The following KRT71 variants were observed in gnomAD, a reference collection of about 807,000 sequenced individuals.
KRT71 encodes the protein keratin 71.
KRT71 carries 42 observed loss-of-function variants against 46.2 expected under a neutral mutation model. The observed-to-expected ratio is 0.91, with a 90% CI of 0.71 to 1.18. The LOEUF is 1.18. Among genes scored for constraint, KRT71 ranks in the 50% most tolerant of loss-of-function variants. KRT71 has a pLI of 0.00. For synonymous variants in KRT71, 292 were observed against 277.8 expected (o/e 1.05, Z -0.51); for missense variants, 708 against 677.9 (o/e 1.04, Z -0.49).
In KRT71 at chr12:52,545,449, G is replaced by A. The variant is rs762251266; in HGVS notation, c.1360+116C>T. 1.9e-4 allele frequency: 119 copies of A among 628,202 alleles called. 1 individual carries two copies. The highest frequency in any genetic ancestry group is 2.2e-4 in the Non-Finnish European group (83 of 371,674). 38.9% of individuals were successfully genotyped at this position (628,202 alleles called of 1,614,324 possible). On this transcript the variant is annotated intron_variant, in intron 8 of 8. Coordinates refer to ENST00000267119, the MANE Select transcript of KRT71 (RefSeq NM_033448.3). ...CTGCCATCTGGCTTTGTGATCTCAG[G>A]CAAAGCTTTTCCCTCTCTGGTTCTT...
At chr12:52,545,779 T>TG (rs1376962630) in intron 7 of KRT71, among the ~76,000 whole-genome samples, 180 bp from the exon 8 acceptor site, 1 of 152,162 alleles carries the variant, frequency 6.6e-6, no homozygotes, top group Non-Finnish European at 1.5e-5. Context: ...CCCAAATCTT[T>TG]GGGGTAACCA....
chr12:52,548,754 T>C lies in KRT71; in HGVS notation c.760A>G (p.Lys254Glu), dbSNP rs772148451. 25 of 1,614,136 alleles carry C rather than the reference T, an allele frequency of 1.5e-5. No individual in the cohort carries two copies. The highest frequency in any genetic ancestry group is 2.0e-5 in the Non-Finnish European group (24 of 1,180,054). The change falls in exon 4 of 9, where the codon AAG becomes GAG. Residue 254 changes from lysine to glutamate, a missense_variant. Coordinates refer to ENST00000267119, the MANE Select transcript of KRT71 (RefSeq NM_033448.3). ...ATCTCCTGGTCCATGGATTCCACCT[T>C]GGCCTGCAGTTCCACCTTATTGGCG... Reference protein sequence around the residue: ...AYANKVELQAKVESMDQEIKF... With the variant: ...AYANKVELQAEVESMDQEIKF...
At chr12:52,549,144 T>G (rs919577316) in intron 3 of KRT71, 149 bp downstream of exon 3, 2 of 740,942 alleles carry the variant, frequency 2.7e-6, no homozygotes, top group Non-Finnish European at 4.9e-6. Context: ...TTCTTTTTTC[T>G]GGATAGTCTT....
intron 4 of KRT71, 43 bp downstream of exon 4, chr12:52,548,658 C>CACCAGCCTCCCCTAGATGA: frequency 6.4e-7 from 1 of 1,561,664 alleles, no homozygotes; most frequent in Non-Finnish European, 8.8e-7. Flanking sequence ...GAGTTTAACC[C>CACCAGCCTCCCCTAGATGA]ACCAGCCTCC....
Position 52,544,584 on chromosome 12 carries a change from G to A in KRT71, c.1520C>T (p.Thr507Ile), listed in dbSNP as rs1427196078. The change falls in exon 9 of 9, where the codon ACC becomes ATC. Residue 507 changes from threonine to isoleucine, a missense_variant. Thr to Ile is a moderately conservative substitution (Grantham distance 89). Transcript: ENST00000267119. ...ACTCAGGCTGGAACCCTTCCCTAGG[G>A]TGTCTTTGTAATCGTTGGCACTGCC... is the stretch of plus-strand genomic sequence containing the variant. ...SRGSANDYKD[T>I]LGKGSSLSAP... 3 of 1,614,138 alleles carry A rather than the reference G, an allele frequency of 1.9e-6. No homozygotes were observed. Among genetic ancestry groups the A allele is most frequent in the Non-Finnish European group, 2.5e-6 (3 of 1,180,006 alleles).
rs1235583462 is a variant in KRT71, at chr12:52,546,442, G to A, written c.1169C>T (p.Ala390Val). 5.0e-6 allele frequency: 8 copies of A among 1,614,198 alleles called. No individual in the cohort carries two copies. The highest frequency in any genetic ancestry group is 1.7e-5 in the Admixed American group (1 of 60,034). Reference protein sequence around the residue: ...EQRGDNALKDARAKLDELEGA... With the variant: ...EQRGDNALKDVRAKLDELEGA... The stretch of plus-strand genomic sequence containing the variant: ...CTCCAGCTCGTCCAGCTTGGCCCGG[G>A]CATCCTTCAGGGCGTTGTCTCCCCG... The change falls in exon 7 of 9, where the codon GCC becomes GTC. Residue 390 changes from alanine to valine, a missense_variant. Transcript: ENST00000267119.
chr12:52,552,527 A>T, intron 1 of KRT71, 110 bp downstream of exon 1: 1 of 1,141,548 alleles, frequency 8.8e-7, no homozygotes, highest in Non-Finnish European at 1.3e-6. Flanking sequence ...TGTCCACAGT[A>T]AAGTCTTCCT....
At chr12:52,549,476 C>T in intron 2 of KRT71, 123 bp from the exon 3 acceptor site, 1 of 803,152 alleles carries the variant, frequency 1.2e-6, no homozygotes, top group South Asian at 1.4e-5. Flanking sequence ...CCGCAGAGTA[C>T]TGGGCAGGGG....
At position 52,548,291 on chromosome 12, in the gene KRT71, A is replaced by T. The variant is rs754686274; in HGVS notation, c.839T>A (p.Ile280Asn). ...EAEITQIQSH[I>N]SDMSVILSMD... is the part of the protein sequence containing the mutation. ...GGACAGGATGACAGACATGTCACTG[A>T]TGTGGGACTGGATCTGAGTGATCTC... Residue 280 changes from isoleucine (I) to asparagine (N), a missense_variant, in exon 5 of 9, where the codon ATC becomes AAC. Ile to Asn is a moderately radical substitution (Grantham distance 149, BLOSUM62 -3). Transcript: ENST00000267119. 4.3e-6 allele frequency: 7 copies of T among 1,613,536 alleles called. No individual in the cohort carries two copies. Among genetic ancestry groups the T allele is most frequent in the Non-Finnish European group, 5.1e-6 (6 of 1,179,630 alleles).
chr12:52,552,021 CAG>C lies in KRT71; in HGVS notation c.441+614_441+615del, dbSNP rs1939179852. On this transcript the variant is annotated intron_variant, in intron 1 of 8. Transcript: ENST00000267119. ...TATAAGCCTGACAACAACCCCAAGA[CAG>C]AAGTTATTATCTCCATTTTAGAGAT... 2.6e-5 allele frequency among the ~76,000 whole-genome samples: 4 copies of C among 152,226 alleles called. No individual in the cohort carries two copies. The South Asian group carries it at 8.3e-4, about 32-fold the overall frequency.
In KRT71 at chr12:52,552,725, TCCACGTTGAGGGGGGCCAGGA is replaced by T; in HGVS notation, c.332_352del (p.Leu111_Glu118delinsGln). 6.2e-7 allele frequency: 1 copy of T among 1,614,054 alleles called. No individual in the cohort carries two copies. The highest frequency in any genetic ancestry group is 1.1e-5 in the South Asian group (1 of 91,068). The stretch of plus-strand genomic sequence containing the variant: ...CACTTTCTGGATCTCGGGGTCCAGC[TCCACGTTGAGGGGGGCCAGGA>T]GGCTCTCATTGACGGTAACCTGGTG... On this transcript the variant is annotated inframe_deletion, in exon 1 of 9. Coordinates refer to ENST00000267119, the MANE Select transcript of KRT71 (RefSeq NM_033448.3).
chr12:52,548,399 G>A, intron 4 of KRT71, 83 bp from the exon 5 acceptor site: 1 of 1,467,958 alleles, frequency 6.8e-7, no homozygotes, highest in Non-Finnish European at 9.3e-7. Flanking sequence ...AGCAAATTCT[G>A]GTGATGCCAT....
chr12:52,551,246 T>A (rs1939162981), intron 1 of KRT71, among the ~76,000 whole-genome samples: 1 of 152,260 alleles, frequency 6.6e-6, no homozygotes, highest in African/African-American at 2.4e-5. Context: ...GACTGATCTC[T>A]GGAGACTGAA....
chr12:52,547,857 C>G lies in KRT71; in HGVS notation c.1104G>C (p.Gln368His). Reference protein sequence around the residue: ...IRSEIENVKKQASNLETAIAD... With the variant: ...IRSEIENVKKHASNLETAIAD... Reference sequence around the variant, plus strand: ...CAGGCCAAGGCCAACGTGCTCTCACCTGCTTCTTCACGTTCTCGATCTCTG... The same window carrying G: ...CAGGCCAAGGCCAACGTGCTCTCACGTGCTTCTTCACGTTCTCGATCTCTG... The change falls in exon 6 of 9, where the codon CAG (glutamine) becomes CAC (histidine). Residue 368 changes from glutamine (Q) to histidine (H), a missense_variant and splice_region_variant. Physicochemically the swap from Gln to His is conservative, Grantham distance 24. Coordinates refer to ENST00000267119, the MANE Select transcript of KRT71 (RefSeq NM_033448.3). 1.2e-6 allele frequency: 2 copies of G among 1,613,974 alleles called. No individual in the cohort carries two copies. Among genetic ancestry groups the G allele is most frequent in the Non-Finnish European group, 1.7e-6 (2 of 1,179,900 alleles).
Position 52,552,759 on chromosome 12 carries a change from C to G in KRT71, c.319G>C (p.Val107Leu). Residue 107 changes from valine to leucine, a missense_variant, in exon 1 of 9, where the codon GTC (valine) becomes CTC (leucine). By Grantham distance (32) the Val-to-Leu change is conservative. Coordinates refer to ENST00000267119, the MANE Select transcript of KRT71 (RefSeq NM_033448.3). ...CPPGGIHQVTVNESLLAPLNV... is the reference protein window; with the variant it reads ...CPPGGIHQVTLNESLLAPLNV... ...AGGGGGGCCAGGAGGCTCTCATTGA[C>G]GGTAACCTGGTGGATGCCTCCAGGT... 6.2e-7 allele frequency: 1 copy of G among 1,614,058 alleles called. No homozygotes were observed. Among genetic ancestry groups the G allele is most frequent in the Non-Finnish European group, 8.5e-7 (1 of 1,179,988 alleles).
chr12:52,544,712 GA>G lies in KRT71; in HGVS notation c.1391del (p.Val464AlafsTer27), dbSNP rs759267089. ...SIISSTSGGS[V>X]YGFRPSMVSG... ...TGACCATGCTGGGCCGGAAGCCATA[GA>G]CACTGCCGCCACTGGTGCTGCTGAT... On this transcript the variant is annotated frameshift_variant, in exon 9 of 9. Transcript: ENST00000267119. LOFTEE classifies it low-confidence loss of function (END_TRUNC). 6.2e-7 allele frequency: 1 copy of G among 1,611,628 alleles called. No individual in the cohort carries two copies. Among genetic ancestry groups the G allele is most frequent in the Non-Finnish European group, 8.5e-7 (1 of 1,179,496 alleles).
Position 52,544,396 on chromosome 12 carries a change from G to A in KRT71, c.*136C>T, listed in dbSNP as rs1046423630. The stretch of plus-strand genomic sequence containing the variant: ...AGGAAGACACAGGCTGGGAGAAGTG[G>A]GTGGCCAAGGCCAGTGCCAGGTGTA... On this transcript the variant is annotated 3_prime_UTR_variant, in exon 9 of 9. Transcript: ENST00000267119. 6.2e-5 allele frequency: 50 copies of A among 811,218 alleles called. No homozygotes were observed. Among genetic ancestry groups the A allele is most frequent in the Non-Finnish European group, 9.8e-5 (47 of 478,136 alleles). The allele number at this position is 811,218 out of a possible 1,614,324, so 50.3% of individuals were successfully genotyped here.
In KRT71 at chr12:52,545,596, C is replaced by T. The variant is rs1209545201; in HGVS notation, c.1329G>A (p.Met443Ile). 2.0e-6 allele frequency: 3 copies of T among 1,532,014 alleles called. No homozygotes were observed. Among genetic ancestry groups the T allele is most frequent in the Non-Finnish European group, 9.0e-7 (1 of 1,109,464 alleles). The allele number at this position is 1,532,014 out of a possible 1,614,324, so 94.9% of individuals were successfully genotyped here. A position where few individuals can be genotyped will look rare whatever the true frequency, so the allele number is the denominator to read the frequency against. The change falls in exon 8 of 9, where the codon ATG (methionine) becomes ATA (isoleucine). Residue 443 changes from methionine to isoleucine, a missense_variant. Transcript: ENST00000267119. ...RKLLESEECR[M>I]SGEFPSPVSI... ...TGACAGGGGAGGGAAATTCTCCTGA[C>T]ATCCTATTAAGGAGAGAAATAAAAT... is the stretch of plus-strand genomic sequence containing the variant.
rs759792342 is a variant in KRT71 at position 52,552,847 on chromosome 12, A to G, written c.231T>C (p.Ser77=). Reference sequence around the variant, plus strand: ...TGCCAAACATGCTTCCAGCAAAGCCACTGGCCCGGCCCCGGCCAAATCCAT... The same window carrying G: ...TGCCAAACATGCTTCCAGCAAAGCCGCTGGCCCGGCCCCGGCCAAATCCAT... The part of the protein sequence containing the change: ...GGYGFGRGRA[S]GFAGSMFGSV... The change falls in exon 1 of 9, where the codon AGT becomes AGC. Residue 77 remains serine, a synonymous_variant. Coordinates refer to ENST00000267119, the MANE Select transcript of KRT71 (RefSeq NM_033448.3). The G allele has an allele frequency of 2.5e-6, 4 of 1,614,106 alleles. No homozygotes were observed. Among genetic ancestry groups the G allele is most frequent in the Non-Finnish European group, 2.5e-6 (3 of 1,180,048 alleles).
Sources: gnomAD v4.1 joint callset for allele counts (sites outside exome capture counted in the v4.1 genomes callset) on GRCh38, gnomAD v4.1.1 for gene constraint, MANE v1.5 for transcripts, NCBI Gene and HGNC (gene_info 2026-07-23, HGNC 2026-07-21) for gene names.